Variants in SOHLH2 observed in about 807,000 individuals in gnomAD.
The protein encoded by SOHLH2 is spermatogenesis and oogenesis specific basic helix-loop-helix 2.
In SOHLH2, 22 loss-of-function variants were observed where a neutral mutation model predicts 50.4. That is an observed-to-expected ratio of 0.44 (90% CI 0.31 to 0.62). The LOEUF (loss-of-function observed/expected upper bound fraction) is 0.62, where lower values mean the gene tolerates loss of function less well. Among genes scored for constraint, SOHLH2 ranks in the 20% least tolerant of loss-of-function variants. The pLI is 0.08. For missense variants in SOHLH2, 412 were observed against 504.4 expected, an observed-to-expected ratio of 0.82 and a Z score of 1.76; for synonymous variants, 185 against 187.3, an observed-to-expected ratio of 0.99 and a Z score of 0.10.
At chr13:36,199,019 CAGA>C (rs1412902518) in intron 2 of SOHLH2, among the ~76,000 whole-genome samples, 1 of 152,082 alleles carries the variant, frequency 6.6e-6, no homozygotes, top group Non-Finnish European at 1.5e-5. Context: ...TAAAATACAG[CAGA>C]AGAAAAGTAG....
chr13:36,169,152 A>G, intron 10 of SOHLH2, 98 bp from the exon 11 acceptor site: 2 of 1,437,828 alleles, frequency 1.4e-6, no homozygotes, highest in Non-Finnish European at 1.8e-6. Context: ...ACAATCTGAA[A>G]TGATTTGCAA....
chr13:36,200,813 G>T lies in SOHLH2; in HGVS notation c.263+1066C>A, dbSNP rs563841337. ...CCCCTGTAATCCCAGCACTTTGGGAGGCCTAGGTGGGTGGATCACGAGGTC... is the reference window on the plus strand; with the variant it reads ...CCCCTGTAATCCCAGCACTTTGGGATGCCTAGGTGGGTGGATCACGAGGTC... On this transcript the variant is annotated intron_variant, in intron 2 of 10. Coordinates refer to ENST00000379881, the MANE Select transcript of SOHLH2 (RefSeq NM_017826.3). Among the ~76,000 whole-genome samples, 25 of 152,136 alleles carry T rather than the reference G, an allele frequency of 1.6e-4. No homozygotes were observed. In the South Asian group the frequency reaches 4.4e-3, roughly 27 times the overall value.
intron 6 of SOHLH2, among the ~76,000 whole-genome samples, chr13:36,177,835 G>A (rs1387891632): frequency 6.6e-6 from 1 of 151,816 alleles, no homozygotes; most frequent in Non-Finnish European, 1.5e-5. Context: ...ATATCTGTTT[G>A]GCAAATATTT....
At chr13:36,202,621 T>C (rs1036679993) in intron 1 of SOHLH2, among the ~76,000 whole-genome samples, 1 of 152,184 alleles carries the variant, frequency 6.6e-6, no homozygotes, top group Non-Finnish European at 1.5e-5. Context: ...AAAAGGCCAT[T>C]TGCATTTGGA....
chr13:36,198,025 C>G (rs1319666220), intron 2 of SOHLH2, among the ~76,000 whole-genome samples: 4 of 152,174 alleles, frequency 2.6e-5, no homozygotes, highest in Non-Finnish European at 5.9e-5. Flanking sequence ...TCAAGGATGT[C>G]TTGGAGACAT....
intron 6 of SOHLH2, among the ~76,000 whole-genome samples, chr13:36,184,693 C>T (rs1887363633): frequency 2.0e-5 from 3 of 152,108 alleles, no homozygotes; most frequent in East Asian, 1.9e-4. Flanking sequence ...CTCCTGACCT[C>T]GTGATCCACC....
intron 4 of SOHLH2, among the ~76,000 whole-genome samples, chr13:36,192,507 C>T (rs1051466088): frequency 6.6e-6 from 1 of 152,100 alleles, no homozygotes. Flanking sequence ...CAGACTCACT[C>T]ATCTGAATAT....
chr13:36,189,080 CCTT>C (rs1265952291), intron 6 of SOHLH2, among the ~76,000 whole-genome samples: 1 of 152,120 alleles, frequency 6.6e-6, no homozygotes, highest in Admixed American at 6.5e-5. Context: ...CCTCACTTAT[CCTT>C]AGCCATGCTC....
chr13:36,213,424 T>G (rs986768712), intron 1 of SOHLH2, among the ~76,000 whole-genome samples: 3 of 152,124 alleles, frequency 2.0e-5, no homozygotes, highest in Non-Finnish European at 2.9e-5. Context: ...AGAGATGAAA[T>G]TAAGTTTGCA....
Position 36,168,976 on chromosome 13 carries a change from T to C in SOHLH2, c.*58A>G. On this transcript the variant is annotated 3_prime_UTR_variant, in exon 11 of 11. Coordinates refer to ENST00000379881, the MANE Select transcript of SOHLH2 (RefSeq NM_017826.3). ...AAATCATTCTTTGTTCCACTTTTCCTAGATTGTCAAACTGCGCCCAGTAGG... is the reference window on the plus strand; with the variant it reads ...AAATCATTCTTTGTTCCACTTTTCCCAGATTGTCAAACTGCGCCCAGTAGG... 1 of 1,576,840 alleles carries C rather than the reference T, an allele frequency of 6.3e-7. No homozygotes were observed. Among genetic ancestry groups the C allele is most frequent in the Non-Finnish European group, 8.6e-7 (1 of 1,165,602 alleles).
At chr13:36,214,427 G>A in intron 1 of SOHLH2, 52 bp downstream of exon 1, 2 of 1,588,266 alleles carry the variant, frequency 1.3e-6, no homozygotes, top group South Asian at 1.1e-5. Flanking sequence ...CCGACCTAGG[G>A]CCCGCCCGCG....
intron 6 of SOHLH2, among the ~76,000 whole-genome samples, chr13:36,175,375 C>T (rs904803726): frequency 1.3e-5 from 2 of 152,226 alleles, no homozygotes; most frequent in Non-Finnish European, 2.9e-5. Flanking sequence ...GCATCTTGTA[C>T]CACATGACTT....
intron 2 of SOHLH2, among the ~76,000 whole-genome samples, chr13:36,195,975 T>A (rs1418589690): frequency 6.6e-6 from 1 of 151,998 alleles, no homozygotes; most frequent in African/African-American, 2.4e-5. Flanking sequence ...GAAAGGCACT[T>A]CCTACACTGG....
intron 10 of SOHLH2, among the ~76,000 whole-genome samples, 184 bp downstream of exon 10, chr13:36,170,347 A>C (rs1234576384): frequency 6.6e-6 from 1 of 152,178 alleles, no homozygotes; most frequent in Non-Finnish European, 1.5e-5. Flanking sequence ...CCAGCCCTGC[A>C]GCATGAGGAG....
chr13:36,207,401 T>G (rs980504264), intron 1 of SOHLH2, among the ~76,000 whole-genome samples: 3 of 152,102 alleles, frequency 2.0e-5, no homozygotes, highest in Non-Finnish European at 4.4e-5. Flanking sequence ...AAATCCCTAA[T>G]TTTTATACCT....
chr13:36,179,729 G>A (rs559437509), intron 6 of SOHLH2, among the ~76,000 whole-genome samples: 1 of 152,028 alleles, frequency 6.6e-6, no homozygotes, highest in Non-Finnish European at 1.5e-5. Flanking sequence ...GTTGATTTTT[G>A]AATGTCATAC....
chr13:36,168,994 C>A lies in SOHLH2; in HGVS notation c.*40G>T. The stretch of plus-strand genomic sequence containing the variant: ...CTTTTCCTAGATTGTCAAACTGCGC[C>A]CAGTAGGTGGTTGAGAGTGTGAATT... On this transcript the variant is annotated 3_prime_UTR_variant, in exon 11 of 11. Transcript: ENST00000379881. 6.3e-7 allele frequency: 1 copy of A among 1,594,798 alleles called. No individual in the cohort carries two copies. Among genetic ancestry groups the A allele is most frequent in the Non-Finnish European group, 8.5e-7 (1 of 1,173,414 alleles).
intron 2 of SOHLH2, among the ~76,000 whole-genome samples, chr13:36,197,102 T>G (rs1887756560): frequency 6.6e-6 from 1 of 152,196 alleles, no homozygotes; most frequent in Admixed American, 6.5e-5. Context: ...TGATAGTACT[T>G]CCTCTTCTAT....
chr13:36,182,774 T>C (rs1887293587), intron 6 of SOHLH2: 1 of 152,288 alleles, frequency 6.6e-6, no homozygotes, highest in Non-Finnish European at 1.5e-5. Context: ...AACAGTTTGT[T>C]GATTTCCACT....
Sources: allele counts gnomAD v4.1 joint callset (sites outside exome capture counted in the v4.1 genomes callset), GRCh38; gene constraint gnomAD v4.1.1; transcripts MANE v1.5; gene names NCBI Gene and HGNC (gene_info 2026-07-23, HGNC 2026-07-21).